SAR1B: variants seen among roughly 807,000 people sequenced by gnomAD.
SAR1B encodes the protein small COPII coat GTPase SAR1B.
A neutral mutation model predicts 26.8 loss-of-function variants in SAR1B; 23 were observed. That is an observed-to-expected ratio of 0.86 (90% CI 0.62 to 1.22). SAR1B has a LOEUF of 1.22. Ranked by LOEUF, SAR1B falls within the 50% of genes most tolerant of loss-of-function variation. The pLI is 0.00. For synonymous variants in SAR1B, 65 were observed against 80.8 expected (o/e 0.80, Z 1.05); for missense variants, 196 against 232.8 (o/e 0.84, Z 1.03).
chr5:134,623,958 T>C lies in SAR1B; in HGVS notation c.58+4A>G. On this transcript the variant is annotated splice_donor_region_variant and intron_variant, in intron 2 of 6. Transcript: ENST00000402673. ...AACTGTAGAGAACAAAGGACCAACA[T>C]TACCTAAAAACTGTAGCACACTGCT... The C allele has an allele frequency of 6.3e-7, 1 of 1,596,606 alleles. No homozygotes were observed. The highest frequency in any genetic ancestry group is 8.6e-7 in the Non-Finnish European group (1 of 1,164,240).
chr5:134,621,026 CCA>C lies in SAR1B; in HGVS notation c.83_84del (p.Leu28ArgfsTer7), dbSNP rs755928019. ...FLGLYKKTGKLVFLGLDNAGK... is the reference protein window; with the variant it reads ...FLGLYKKTGKXVFLGLDNAGK... Reference sequence around the variant, plus strand: ...CCTGCATTATCCAATCCAAGAAATACCAGTTTACCAGTTTTCTTATATAATCC... The same window carrying C: ...CCTGCATTATCCAATCCAAGAAATACGTTTACCAGTTTTCTTATATAATCC... On this transcript the variant is annotated frameshift_variant, in exon 3 of 7. Coordinates refer to ENST00000402673, the MANE Select transcript of SAR1B (RefSeq NM_016103.4). LOFTEE classifies it high-confidence loss of function. The C allele has an allele frequency of 4.0e-5, 65 of 1,612,990 alleles. No homozygotes were observed. Among genetic ancestry groups the C allele is most frequent in the Non-Finnish European group, 5.4e-5 (64 of 1,179,174 alleles).
intron 4 of SAR1B, among the ~76,000 whole-genome samples, chr5:134,610,843 T>C (rs1765200508): frequency 6.6e-6 from 1 of 151,410 alleles, no homozygotes; most frequent in Non-Finnish European, 1.5e-5. Context: ...ATTTTTTCCA[T>C]AACATAACTT....
chr5:134,620,778 C>G (rs1765392951), intron 3 of SAR1B, among the ~76,000 whole-genome samples, 155 bp downstream of exon 3: 1 of 152,148 alleles, frequency 6.6e-6, no homozygotes, highest in Admixed American at 6.6e-5. Context: ...GGCTTAAGCC[C>G]AGGAGACAGA....
rs979471447 is a variant in SAR1B, at chr5:134,606,989, G to A, written c.558C>T (p.Tyr186=). ...GTGCCATCCAGCGGAAGCCTTCTCCGTAACCTTGTCTTTTGAGCACACTAC... is the reference window on the plus strand; with the variant it reads ...GTGCCATCCAGCGGAAGCCTTCTCCATAACCTTGTCTTTTGAGCACACTAC... The part of the protein sequence containing the change: ...FMCSVLKRQG[Y]GEGFRWMAQY... The change falls in exon 7 of 7, where the codon TAC becomes TAT. Residue 186 remains tyrosine (Y), a synonymous_variant. Coordinates refer to ENST00000402673, the MANE Select transcript of SAR1B (RefSeq NM_016103.4). The A allele has an allele frequency of 5.0e-6, 8 of 1,613,892 alleles. No homozygotes were observed. The highest frequency in any genetic ancestry group is 1.6e-4 in the Middle Eastern group (1 of 6,082).
intron 3 of SAR1B, among the ~76,000 whole-genome samples, chr5:134,615,809 T>G (rs968252226): frequency 6.6e-6 from 1 of 151,026 alleles, no homozygotes; most frequent in African/African-American, 2.4e-5. Context: ...AGAGCAAGAC[T>G]CCGTCTCAAA....
intron 3 of SAR1B, chr5:134,613,896 A>G (rs1334754876): frequency 2.0e-5 from 3 of 152,144 alleles, no homozygotes; most frequent in Admixed American, 6.6e-5. Context: ...TTTTGCTTTC[A>G]GTCACTTTTC....
chr5:134,630,452 A>G (rs1192485969), intron 1 of SAR1B, among the ~76,000 whole-genome samples: 1 of 135,378 alleles, frequency 7.4e-6, no homozygotes, highest in African/African-American at 2.8e-5. Flanking sequence ...GCGAAACTCT[A>G]TCTCAAAAAA....
At position 134,612,679 on chromosome 5, in the gene SAR1B, A is replaced by AAT; in HGVS notation, c.244+11_244+12insAT. ...AAAAAAAAAAAAAAAAAAAAAAAAA[A>AAT]AAGAATCTTACCTTGAACATGTCCA... is the stretch of plus-strand genomic sequence containing the variant. On this transcript the variant is annotated intron_variant, in intron 4 of 6. Transcript: ENST00000402673. 1.6e-5 allele frequency: 16 copies of AAT among 991,758 alleles called. No homozygotes were observed. Among genetic ancestry groups the AAT allele is most frequent in the Non-Finnish European group, 2.2e-5 (16 of 712,496 alleles). The allele number at this position is 991,758 out of a possible 1,614,324, so 61.4% of individuals were successfully genotyped here.
chr5:134,624,064 A>G (rs2150055224), intron 1 of SAR1B, 27 bp from the exon 2 acceptor site: 1 of 1,322,678 alleles, frequency 7.6e-7, no homozygotes, highest in Non-Finnish European at 1.1e-6. Flanking sequence ...TGAATTTAGT[A>G]GTCAACATTA....
In SAR1B at chr5:134,609,234, T is replaced by C. The variant is rs146651957; in HGVS notation, c.348+337A>G. On this transcript the variant is annotated intron_variant, in intron 5 of 6. Transcript: ENST00000402673. ...ATCATTTCCAGGCTGTGGCTTAAGA[T>C]ATAGCATCTTAGCATGACCAGGGAC... is the stretch of plus-strand genomic sequence containing the variant. 5 of 417,944 alleles carry C rather than the reference T, an allele frequency of 1.2e-5. No individual in the cohort carries two copies. In the East Asian group the frequency reaches 2.5e-4, roughly 21 times the overall value. The allele number at this position is 417,944 out of a possible 1,614,324, so 25.9% of individuals were successfully genotyped here.
At chr5:134,630,128 A>C (rs938486176) in intron 1 of SAR1B, among the ~76,000 whole-genome samples, 2 of 151,774 alleles carry the variant, frequency 1.3e-5, no homozygotes, top group African/African-American at 4.8e-5. Flanking sequence ...CGAGCGTAGA[A>C]ATACTATGCT....
At chr5:134,619,655 C>T (rs1181407062) in intron 3 of SAR1B, among the ~76,000 whole-genome samples, 2 of 152,090 alleles carry the variant, frequency 1.3e-5, no homozygotes, top group African/African-American at 2.4e-5. Context: ...TGAGCCACCA[C>T]ACCCACCCTT....
Position 134,601,502 on chromosome 5 carries a change from A to T in SAR1B, c.*5448T>A, listed in dbSNP as rs767120946. ...AAATACTGAAGGTTTCACCATGGAA[A>T]AACACTTTTATCACTTTTAAAGTAA... On this transcript the variant is annotated 3_prime_UTR_variant, in exon 7 of 7. Transcript: ENST00000402673. 3.9e-5 allele frequency: 6 copies of T among 152,206 alleles called. No homozygotes were observed. Among genetic ancestry groups the T allele is most frequent in the Non-Finnish European group, 8.8e-5 (6 of 68,038 alleles). The allele number at this position is 152,206 out of a possible 1,614,324, so 9.4% of individuals were successfully genotyped here. A position where few individuals can be genotyped will look rare whatever the true frequency, so the allele number is the denominator to read the frequency against.
rs1165204717 is a variant in SAR1B at position 134,604,798 on chromosome 5, CT to C, written c.*2151del. The C allele has an allele frequency of 6.6e-6, 1 of 152,052 alleles. No homozygotes were observed. The highest frequency in any genetic ancestry group is 6.5e-5 in the Admixed American group (1 of 15,270). The allele number at this position is 152,052 out of a possible 1,614,324, so 9.4% of individuals were successfully genotyped here. A position where few individuals can be genotyped will look rare whatever the true frequency, so the allele number is the denominator to read the frequency against. On this transcript the variant is annotated 3_prime_UTR_variant, in exon 7 of 7. Coordinates refer to ENST00000402673, the MANE Select transcript of SAR1B (RefSeq NM_016103.4). Reference sequence around the variant, plus strand: ...ACCCATTTACAACACAAATAATTAGCTTCTTCAGTATCATAATAGATACTCT... The same window carrying C: ...ACCCATTTACAACACAAATAATTAGCTCTTCAGTATCATAATAGATACTCT...
intron 1 of SAR1B, among the ~76,000 whole-genome samples, chr5:134,624,405 C>T (rs1254179739): frequency 6.6e-6 from 1 of 151,958 alleles, no homozygotes; most frequent in Non-Finnish European, 1.5e-5. Context: ...CCTGCAGTAC[C>T]AGCTACTCAG....
At chr5:134,623,139 A>G (rs1561788400) in intron 2 of SAR1B, among the ~76,000 whole-genome samples, 1 of 148,600 alleles carries the variant, frequency 6.7e-6, no homozygotes, top group Non-Finnish European at 1.5e-5. Flanking sequence ...AAAAAAAAGA[A>G]AAAGAAAAAA....
chr5:134,627,802 A>AAATAAAT, intron 1 of SAR1B, among the ~76,000 whole-genome samples: 1 of 2,944 alleles, frequency 3.4e-4, no homozygotes, highest in East Asian at 0.029. Context: ...CCATCCCAAA[A>AAATAAAT]AATAAATAAA....
chr5:134,631,041 C>T (rs548095477), intron 1 of SAR1B, among the ~76,000 whole-genome samples: 44 of 151,208 alleles, frequency 2.9e-4, no homozygotes, highest in African/African-American at 1.0e-3. Context: ...GACTACTGGC[C>T]TGCTAGCCAG....
At chr5:134,625,924 T>C (rs573159487) in intron 1 of SAR1B, 239 of 152,230 alleles carry the variant, frequency 1.6e-3, no homozygotes, top group African/African-American at 5.5e-3. Context: ...CAATTTGCTG[T>C]TGTAAAATTT....
Sources: gnomAD v4.1 joint callset for allele counts (sites outside exome capture counted in the v4.1 genomes callset) on GRCh38, gnomAD v4.1.1 for gene constraint, MANE v1.5 for transcripts, NCBI Gene and HGNC (gene_info 2026-07-23, HGNC 2026-07-21) for gene names.